STX8: variants seen among roughly 807,000 people sequenced by gnomAD.
STX8 encodes syntaxin-8.
Under a neutral mutation model 37.5 loss-of-function variants are expected in STX8, and 23 were observed. That is an observed-to-expected ratio of 0.61 (90% CI 0.44 to 0.87). STX8 has a LOEUF of 0.87. STX8 is among the 40% of genes least tolerant of loss of function. The pLI, the probability that STX8 is intolerant of heterozygous loss-of-function variation, is 0.00. For missense variants in STX8, 313 were observed against 284.7 expected (o/e 1.10, Z -0.71); for synonymous variants, 115 against 99.1 (o/e 1.16, Z -0.95).
At chr17:9,481,441 T>C (rs1322654771) in intron 6 of STX8, among the ~76,000 whole-genome samples, 1 of 152,058 alleles carries the variant, frequency 6.6e-6, no homozygotes, top group African/African-American at 2.4e-5. Flanking sequence ...ATTCTAGGGG[T>C]GTAGCATCAG....
intron 1 of STX8, among the ~76,000 whole-genome samples, chr17:9,571,435 C>T (rs1907682212): frequency 6.6e-6 from 1 of 151,706 alleles, no homozygotes; most frequent in Admixed American, 6.6e-5. Context: ...AACCTCATTA[C>T]ACTATCAAGC....
chr17:9,447,792 T>C (rs1047474001), intron 6 of STX8, among the ~76,000 whole-genome samples: 13 of 152,192 alleles, frequency 8.5e-5, no homozygotes, highest in African/African-American at 3.1e-4. Context: ...CTCATCAATT[T>C]ATTGGAATAA....
rs926470261 is a variant in STX8, at chr17:9,420,999, G to A, written c.542-42346C>T. On this transcript the variant is annotated intron_variant, in intron 6 of 7. Transcript: ENST00000306357. ...CTGACCTCCCTTGAAATGAAGAAAC[G>A]CAACTGGACTATTGCAATAACCTCC... is the stretch of plus-strand genomic sequence containing the variant. 3.3e-5 allele frequency among the ~76,000 whole-genome samples: 5 copies of A among 152,232 alleles called. 1 individual carries two copies. The East Asian group carries it at 7.7e-4, about 23-fold the overall frequency.
At chr17:9,481,916 C>A (rs1042818151) in intron 6 of STX8, among the ~76,000 whole-genome samples, 44 of 152,324 alleles carry the variant, frequency 2.9e-4, no homozygotes, top group South Asian at 1.0e-3. Context: ...AACTACCCCC[C>A]ATCCTGGTCC....
chr17:9,456,464 T>C (rs1905190646), intron 6 of STX8, among the ~76,000 whole-genome samples: 1 of 152,176 alleles, frequency 6.6e-6, no homozygotes, highest in African/African-American at 2.4e-5. Context: ...AGCTGTCCGG[T>C]GATAACCACT....
intron 7 of STX8, among the ~76,000 whole-genome samples, chr17:9,342,179 A>G (rs958847884): frequency 2.0e-5 from 3 of 152,128 alleles, no homozygotes; most frequent in African/African-American, 7.2e-5. Context: ...TTGCGCTCCT[A>G]TATCTAATGC....
intron 6 of STX8, among the ~76,000 whole-genome samples, chr17:9,442,492 C>T (rs544427162): frequency 3.9e-5 from 6 of 152,260 alleles, no homozygotes; most frequent in Non-Finnish European, 7.4e-5. Context: ...CCGCAACCTC[C>T]GCCTCCTGGG....
At chr17:9,482,863 G>GA (rs1457131532) in intron 6 of STX8, among the ~76,000 whole-genome samples, 1 of 152,178 alleles carries the variant, frequency 6.6e-6, no homozygotes, top group Non-Finnish European at 1.5e-5. Flanking sequence ...ATGGTGAGCC[G>GA]AGATCGCGCC....
chr17:9,342,384 G>A lies in STX8; in HGVS notation c.643+36168C>T, dbSNP rs1910390070. 2.0e-5 allele frequency among the ~76,000 whole-genome samples: 3 copies of A among 152,310 alleles called. No homozygotes were observed. In the South Asian group the frequency reaches 6.2e-4, roughly 32 times the overall value. Reference sequence around the variant, plus strand: ...CTAACAAGGGCCTGGCAAGATAAGAGTAGTGTTTCAGGATGATCCAGTGGG... The same window carrying A: ...CTAACAAGGGCCTGGCAAGATAAGAATAGTGTTTCAGGATGATCCAGTGGG... On this transcript the variant is annotated intron_variant, in intron 7 of 7. Transcript: ENST00000306357.
At chr17:9,448,487 A>G (rs1055125624) in intron 6 of STX8, among the ~76,000 whole-genome samples, 1 of 148,464 alleles carries the variant, frequency 6.7e-6, no homozygotes, top group Non-Finnish European at 1.5e-5. Flanking sequence ...AATGGCCCCA[A>G]GTGTACTGCT....
chr17:9,429,910 T>A (rs1229256664), intron 6 of STX8, among the ~76,000 whole-genome samples: 11 of 1,902 alleles, frequency 5.8e-3, no homozygotes, highest in South Asian at 0.011. Flanking sequence ...TATTATATAT[T>A]ATATATAATA....
chr17:9,415,054 G>C (rs183470260), intron 6 of STX8, among the ~76,000 whole-genome samples: 1 of 152,034 alleles, frequency 6.6e-6, no homozygotes, highest in Admixed American at 6.6e-5. Context: ...GCCTCCCAAA[G>C]TGCTGGGATT....
chr17:9,494,687 A>C (rs1475626994), intron 5 of STX8, among the ~76,000 whole-genome samples: 1 of 151,954 alleles, frequency 6.6e-6, no homozygotes, highest in Non-Finnish European at 1.5e-5. Context: ...TTAAAAATGA[A>C]AATGTATTAC....
chr17:9,405,483 C>A (rs1435209530), intron 6 of STX8, among the ~76,000 whole-genome samples: 1 of 152,140 alleles, frequency 6.6e-6, no homozygotes, highest in Non-Finnish European at 1.5e-5. Flanking sequence ...GTTTTCTAGG[C>A]CTTCTTGTAC....
intron 7 of STX8, among the ~76,000 whole-genome samples, chr17:9,341,907 G>A (rs963317988): frequency 3.2e-4 from 49 of 152,266 alleles, no homozygotes; most frequent in African/African-American, 1.1e-3. Flanking sequence ...GAGGAACAAG[G>A]TGGCAGACGA....
chr17:9,424,320 T>G (rs1913547379), intron 6 of STX8, among the ~76,000 whole-genome samples: 1 of 151,850 alleles, frequency 6.6e-6, no homozygotes, highest in South Asian at 2.1e-4. Context: ...TGGTTTTGGG[T>G]CCCTGCAAGA....
intron 7 of STX8, among the ~76,000 whole-genome samples, chr17:9,350,832 C>T (rs1362035181): frequency 6.6e-6 from 1 of 152,136 alleles, no homozygotes; most frequent in African/African-American, 2.4e-5. Context: ...CACACCCAGC[C>T]TAAAATGTTT....
At chr17:9,267,921 G>A (rs998853922) in intron 7 of STX8, among the ~76,000 whole-genome samples, 11 of 151,860 alleles carry the variant, frequency 7.2e-5, no homozygotes, top group African/African-American at 2.2e-4. Context: ...AACCCGGGAG[G>A]CGGAGGTTGC....
intron 6 of STX8, among the ~76,000 whole-genome samples, chr17:9,448,797 T>C (rs1431933402): frequency 1.3e-5 from 2 of 152,144 alleles, no homozygotes; most frequent in African/African-American, 2.4e-5. Flanking sequence ...TTACAGAACA[T>C]GAGCGCCACA....
Sources: gnomAD v4.1 joint callset for allele counts (sites outside exome capture counted in the v4.1 genomes callset) on GRCh38, gnomAD v4.1.1 for gene constraint, MANE v1.5 for transcripts, NCBI Gene and HGNC (gene_info 2026-07-23, HGNC 2026-07-21) for gene names.